Variants in NPSR1 observed in about 807,000 individuals in gnomAD.
NPSR1 encodes the protein neuropeptide S receptor 1.
In NPSR1, 48 loss-of-function variants were observed where a neutral mutation model predicts 46.9. The observed-to-expected ratio is 1.02, with a 90% CI of 0.81 to 1.30. The LOEUF (loss-of-function observed/expected upper bound fraction) is 1.30, where lower values mean the gene tolerates loss of function less well. Among genes scored for constraint, NPSR1 ranks in the 50% most tolerant of loss-of-function variants. The pLI is 0.00. For synonymous variants in NPSR1, 176 were observed against 168.1 expected, an observed-to-expected ratio of 1.05 and a Z score of -0.36; for missense variants, 450 against 449.5, an observed-to-expected ratio of 1.00 and a Z score of -0.01.
At chr7:34,814,528 G>C (rs1358253303) in intron 4 of NPSR1, among the ~76,000 whole-genome samples, 5 of 152,248 alleles carry the variant, frequency 3.3e-5, no homozygotes, top group Non-Finnish European at 7.3e-5. Context: ...CGACAGCTCT[G>C]AAGAGCACAG....
chr7:34,849,989 A>T, downstream of NPSR1: 1 of 1,059,912 alleles, frequency 9.4e-7, no homozygotes, highest in Middle Eastern at 4.4e-4. Flanking sequence ...AGGCAAGCAG[A>T]GGGGACAAAG....
At chr7:34,818,984 A>T (rs1194752591) in intron 4 of NPSR1, among the ~76,000 whole-genome samples, 4 of 152,208 alleles carry the variant, frequency 2.6e-5, no homozygotes, top group Non-Finnish European at 5.9e-5. Flanking sequence ...AAACCTAGGC[A>T]ATACCATTCA....
At chr7:34,702,202 C>G (rs542681687) in intron 2 of NPSR1, among the ~76,000 whole-genome samples, 16 of 152,234 alleles carry the variant, frequency 1.1e-4, no homozygotes, top group African/African-American at 3.4e-4. Context: ...TTCTAGCCAG[C>G]AGGAAGGAAG....
intron 3 of NPSR1, among the ~76,000 whole-genome samples, chr7:34,788,494 A>T (rs1787571234): frequency 6.6e-6 from 1 of 152,160 alleles, no homozygotes; most frequent in Non-Finnish European, 1.5e-5. Context: ...GTGGAAACCA[A>T]AATAGATGAG....
chr7:34,688,149 A>C (rs1793032897), intron 2 of NPSR1, among the ~76,000 whole-genome samples: 1 of 152,182 alleles, frequency 6.6e-6, no homozygotes. Flanking sequence ...CCAAAACCTG[A>C]ATGAAATCAG....
At chr7:34,794,050 G>A (rs567133364) in intron 3 of NPSR1, among the ~76,000 whole-genome samples, 1 of 152,222 alleles carries the variant, frequency 6.6e-6, no homozygotes, top group East Asian at 1.9e-4. Flanking sequence ...TAGAATGGTG[G>A]TTAGCAGAAG....
chr7:34,841,235 A>G (rs916874167), intron 6 of NPSR1, among the ~76,000 whole-genome samples: 29 of 152,332 alleles, frequency 1.9e-4, no homozygotes, highest in African/African-American at 6.5e-4. Flanking sequence ...CCTCCCAGGA[A>G]ACAATTCTGC....
At chr7:34,734,324 G>A (rs1320354789) in intron 2 of NPSR1, among the ~76,000 whole-genome samples, 7 of 152,150 alleles carry the variant, frequency 4.6e-5, no homozygotes, top group South Asian at 4.1e-4. Flanking sequence ...AATTGAGAAT[G>A]CTACTCTAAA....
At chr7:34,715,416 C>G (rs1159608372) in intron 2 of NPSR1, among the ~76,000 whole-genome samples, 1 of 152,196 alleles carries the variant, frequency 6.6e-6, no homozygotes, top group African/African-American at 2.4e-5. Context: ...CACCTTGGCA[C>G]CTCTACCAAG....
chr7:34,856,913 G>T (rs553924074), intron 8 of NPSR1, among the ~76,000 whole-genome samples: 1 of 151,560 alleles, frequency 6.6e-6, no homozygotes, highest in Non-Finnish European at 1.5e-5. Flanking sequence ...ATGTAGATGG[G>T]GGGGGAAATC....
At chr7:34,750,809 G>A in intron 2 of NPSR1, 4 of 693,032 alleles carry the variant, frequency 5.8e-6, no homozygotes, top group South Asian at 1.4e-5. Context: ...AGTTTAGGCT[G>A]TGTGGAACCG....
In NPSR1 at chr7:34,869,633, A is replaced by G. The variant is rs1357023034; in HGVS notation, c.1026-8443A>G. Among the ~76,000 whole-genome samples the G allele has an allele frequency of 4.6e-5, 7 of 151,816 alleles. 1 individual carries two copies. Among genetic ancestry groups the G allele is most frequent in the African/African-American group, 1.2e-4 (5 of 41,068 alleles). ...AAAGTCTACACACATTATAGGCCTT[A>G]TAACAGCCTCCATCCATTCATTCAT... On this transcript the variant is annotated intron_variant, in intron 8 of 8. Coordinates refer to the NPSR1 transcript ENST00000359791.
chr7:34,778,561 T>C lies in NPSR1; in HGVS notation c.380T>C (p.Leu127Ser), dbSNP rs555318830. 2.0e-4 allele frequency: 316 copies of C among 1,601,484 alleles called. 5 individuals are homozygous for C. In the South Asian group the frequency reaches 3.1e-3, roughly 16 times the overall value. Residue 127 changes from leucine to serine, a missense_variant, in exon 3 of 9, where the codon TTG (leucine) becomes TCG (serine). Physicochemically the swap from Leu to Ser is moderately radical, Grantham distance 145. Coordinates refer to ENST00000360581, the MANE Select transcript of NPSR1 (RefSeq NM_207172.2). Reference sequence around the variant, plus strand: ...CTGGTTTGCCGAGTGGTCCGCTATTTGCAGGTATGTCACACCTTCCAAATG... The same window carrying C: ...CTGGTTTGCCGAGTGGTCCGCTATTCGCAGGTATGTCACACCTTCCAAATG... ...PDLVCRVVRY[L>S]QVVLLYASTY... is the part of the protein sequence containing the mutation.
At chr7:34,860,833 C>T (rs192084526) in intron 8 of NPSR1, among the ~76,000 whole-genome samples, 11 of 151,876 alleles carry the variant, frequency 7.2e-5, no homozygotes, top group African/African-American at 2.4e-4. Context: ...CAGACTTGGC[C>T]CCTCCTTCCC....
chr7:34,679,357 A>C (rs1792494597), intron 1 of NPSR1, among the ~76,000 whole-genome samples: 1 of 152,200 alleles, frequency 6.6e-6, no homozygotes, highest in Admixed American at 6.5e-5. Context: ...ATGAAACAAC[A>C]TAGTTAGAAA....
At chr7:34,761,455 G>A (rs890628535) in intron 2 of NPSR1, among the ~76,000 whole-genome samples, 7 of 152,182 alleles carry the variant, frequency 4.6e-5, no homozygotes, top group African/African-American at 1.7e-4. Context: ...GGACAGCAAG[G>A]TCTTTCTTGA....
chr7:34,740,428 A>C (rs762266767), intron 2 of NPSR1, among the ~76,000 whole-genome samples: 1 of 150,416 alleles, frequency 6.6e-6, no homozygotes, highest in African/African-American at 2.5e-5. Flanking sequence ...GGAGACTTCT[A>C]GTTTGGTAGC....
chr7:34,707,142 G>A (rs1794152515), intron 2 of NPSR1, among the ~76,000 whole-genome samples: 2 of 152,138 alleles, frequency 1.3e-5, no homozygotes, highest in South Asian at 4.1e-4. Flanking sequence ...TATGTGACCT[G>A]GGAAAGGCAT....
chr7:34,729,283 T>C (rs1784309988), intron 2 of NPSR1, among the ~76,000 whole-genome samples: 1 of 152,110 alleles, frequency 6.6e-6, no homozygotes, highest in Non-Finnish European at 1.5e-5. Context: ...GCCTTGAAAT[T>C]TCCATCTCAT....
Sources: gnomAD v4.1 joint callset for allele counts (sites outside exome capture counted in the v4.1 genomes callset) on GRCh38, gnomAD v4.1.1 for gene constraint, MANE v1.5 for transcripts, NCBI Gene and HGNC (gene_info 2026-07-23, HGNC 2026-07-21) for gene names.